The following GP1BA variants were observed in gnomAD, a reference collection of about 807,000 sequenced individuals.
The protein encoded by GP1BA is platelet glycoprotein Ib alpha chain.
GP1BA carries 3 observed loss-of-function variants against 5.6 expected under a neutral mutation model. The observed-to-expected ratio is 0.53, with a 90% CI of 0.24 to 1.38. The LOEUF is 1.38. Among genes scored for constraint, GP1BA ranks in the 40% most tolerant of loss-of-function variants. The pLI is 0.16. For synonymous variants in GP1BA, 323 were observed against 358.3 expected (o/e 0.90, Z 1.11); for missense variants, 707 against 801.4 (o/e 0.88, Z 1.42).
Position 4,932,406 on chromosome 17 carries a change from G to T in GP1BA, c.-7+41G>T. On this transcript the variant is annotated intron_variant, in intron 1 of 1. Transcript: ENST00000329125. The surrounding 1 kb of genome is among the most constrained non-coding windows in gnomAD (Gnocchi z 4.8). ...TGCTGGGGCAGGAGAGGGGTCTGAG[G>T]GAGGGGAAAGAGCCAAGGACCTGGA... 7.2e-7 allele frequency: 1 copy of T among 1,395,528 alleles called. No homozygotes were observed. The highest frequency in any genetic ancestry group is 2.6e-4 in the Middle Eastern group (1 of 3,780). The allele number at this position is 1,395,528 out of a possible 1,614,324, so 86.4% of individuals were successfully genotyped here.
In GP1BA at chr17:4,933,349, G is replaced by T; in HGVS notation, c.745G>T (p.Gly249Cys). The T allele has an allele frequency of 6.2e-7, 1 of 1,613,994 alleles. No individual in the cohort carries two copies. The highest frequency in any genetic ancestry group is 8.5e-7 in the Non-Finnish European group (1 of 1,179,888). ...NAENVYVWKQ[G>C]VDVKAMTSNV... is the part of the protein sequence containing the mutation. ...TGAAAATGTCTACGTATGGAAGCAAGGTGTGGACGTCAAGGCCATGACCTC... is the reference window on the plus strand; with the variant it reads ...TGAAAATGTCTACGTATGGAAGCAATGTGTGGACGTCAAGGCCATGACCTC... The change falls in exon 2 of 2, where the codon GGT (glycine) becomes TGT (cysteine). Residue 249 changes from glycine to cysteine, a missense_variant. Physicochemically the swap from Gly to Cys is radical, Grantham distance 159. This residue lies in a region of GP1BA where 442 missense variants were observed against 498.8 expected (regional missense o/e 0.89). Coordinates refer to ENST00000329125, the MANE Select transcript of GP1BA (RefSeq NM_000173.7).
rs1970355286 is a variant in GP1BA, at chr17:4,932,454, G to A, written c.-7+89G>A. ...GGAGCTAGTAGTTTTAAGTTCTGCAGGCAAGGGTGGGAGATGGGAGTAGGG... is the reference window on the plus strand; with the variant it reads ...GGAGCTAGTAGTTTTAAGTTCTGCAAGCAAGGGTGGGAGATGGGAGTAGGG... On this transcript the variant is annotated intron_variant, in intron 1 of 1. Transcript: ENST00000329125. This position sits in a 1 kb window ranked among gnomAD's most constrained non-coding sequence, Gnocchi z 4.8. 1 of 1,316,318 alleles carries A rather than the reference G, an allele frequency of 7.6e-7. No homozygotes were observed. Among genetic ancestry groups the A allele is most frequent in the African/African-American group, 1.5e-5 (1 of 67,232 alleles). 81.5% of individuals were successfully genotyped at this position (1,316,318 alleles called of 1,614,324 possible).
Position 4,934,368 on chromosome 17 carries a change from G to A in GP1BA, c.1764G>A (p.Val588=). ...TGGAGCTGCAGAGGGGACGGCAAGT[G>A]ACAGTGCCCCGGGCCTGGCTGCTCT... ...THLELQRGRQ[V]TVPRAWLLFL... Residue 588 remains valine, a synonymous_variant, in exon 2 of 2, where the codon GTG becomes GTA. Coordinates refer to ENST00000329125, the MANE Select transcript of GP1BA (RefSeq NM_000173.7). 6.2e-7 allele frequency: 1 copy of A among 1,614,032 alleles called. No homozygotes were observed. Among genetic ancestry groups the A allele is most frequent in the Non-Finnish European group, 8.5e-7 (1 of 1,179,906 alleles).
At position 4,933,834 on chromosome 17, in the gene GP1BA, C is replaced by A. The variant is rs1970379398; in HGVS notation, c.1230C>A (p.Thr410=). Residue 410 remains threonine (T), a synonymous_variant, in exon 2 of 2, where the codon ACC becomes ACA. Coordinates refer to ENST00000329125, the MANE Select transcript of GP1BA (RefSeq NM_000173.7). ...TTLEPTPSPT[T]PEPTSEPAPS... Reference sequence around the variant, plus strand: ...TGGAGCCCACTCCAAGCCCGACCACCCCAGAGCCCACCTCAGAGCCCGCCC... The same window carrying A: ...TGGAGCCCACTCCAAGCCCGACCACACCAGAGCCCACCTCAGAGCCCGCCC... The A allele has an allele frequency of 2.0e-6, 3 of 1,480,190 alleles. No individual in the cohort carries two copies. In the Admixed American group the frequency reaches 5.6e-5, roughly 27 times the overall value. The allele number at this position is 1,480,190 out of a possible 1,614,324, so 91.7% of individuals were successfully genotyped here. A position where few individuals can be genotyped will look rare whatever the true frequency, so the allele number is the denominator to read the frequency against.
rs760759446 is a variant in GP1BA at position 4,932,741 on chromosome 17, C to A, written c.137C>A (p.Pro46Gln). ...CTGACAGCGCTGCCTCCAGACCTGCCGAAAGACACAACCATCCTCCACCTG... is the reference window on the plus strand; with the variant it reads ...CTGACAGCGCTGCCTCCAGACCTGCAGAAAGACACAACCATCCTCCACCTG... The part of the protein sequence containing the change: ...RNLTALPPDL[P>Q]KDTTILHLSE... The change falls in exon 2 of 2, where the codon CCG becomes CAG. Residue 46 changes from proline (P) to glutamine (Q), a missense_variant. Pro to Gln is a moderately conservative substitution (Grantham distance 76). Coordinates refer to ENST00000329125, the MANE Select transcript of GP1BA (RefSeq NM_000173.7). The surrounding 1 kb of genome is among the most constrained non-coding windows in gnomAD (Gnocchi z 4.8). 1 of 1,613,968 alleles carries A rather than the reference C, an allele frequency of 6.2e-7. No homozygotes were observed. The highest frequency in any genetic ancestry group is 1.1e-5 in the South Asian group (1 of 91,078).
rs777314083 is a variant in GP1BA, at chr17:4,934,214, G to A, written c.1610G>A (p.Gly537Asp). 1 of 1,613,672 alleles carries A rather than the reference G, an allele frequency of 6.2e-7. No homozygotes were observed. The highest frequency in any genetic ancestry group is 8.5e-7 in the Non-Finnish European group (1 of 1,179,724). Residue 537 changes from glycine to aspartate, a missense_variant, in exon 2 of 2, where the codon GGT (glycine) becomes GAT (aspartate). Physicochemically the swap from Gly to Asp is moderately conservative, Grantham distance 94. Coordinates refer to ENST00000329125, the MANE Select transcript of GP1BA (RefSeq NM_000173.7). ...CLLPLGFYVL[G>D]LFWLLFASVV... ...CTCCCCCTGGGCTTCTATGTCTTGG[G>A]TCTCTTCTGGCTGCTCTTTGCCTCT...
rs772674767 is a variant in GP1BA at position 4,933,198 on chromosome 17, C to T, written c.594C>T (p.Asn198=). 6.2e-7 allele frequency: 1 copy of T among 1,613,934 alleles called. No individual in the cohort carries two copies. Among genetic ancestry groups the T allele is most frequent in the African/African-American group, 1.3e-5 (1 of 74,932 alleles). The change falls in exon 2 of 2, where the codon AAC becomes AAT. Residue 198 remains asparagine, a synonymous_variant. Coordinates refer to ENST00000329125, the MANE Select transcript of GP1BA (RefSeq NM_000173.7). ...TCGACACCCTTCTCCTCCAAGAGAA[C>T]TCGCTGTATACAATACCAAAGGGCT... ...ENLDTLLLQE[N]SLYTIPKGFF...
chr17:4,934,458 TGTGG>T lies in GP1BA; in HGVS notation c.1856_1859del (p.Val619GlyfsTer3). 1 of 1,614,028 alleles carries T rather than the reference TGTGG, an allele frequency of 6.2e-7. No homozygotes were observed. On this transcript the variant is annotated frameshift_variant, in exon 2 of 2. Transcript: ENST00000329125. LOFTEE classifies it high-confidence loss of function. ...TCCTGTGGGTACGGCCTAATGGCCG[TGTGG>T]GGCCTCTAGTGGCAGGAAGGAGGCC...
Position 4,934,671 on chromosome 17 carries a change from G to C in GP1BA, c.*108G>C, listed in dbSNP as rs888666206. 1.1e-5 allele frequency: 13 copies of C among 1,151,578 alleles called. No homozygotes were observed. The highest frequency in any genetic ancestry group is 1.3e-6 in the Non-Finnish European group (1 of 791,694). The allele number at this position is 1,151,578 out of a possible 1,614,324, so 71.3% of individuals were successfully genotyped here. A position where few individuals can be genotyped will look rare whatever the true frequency, so the allele number is the denominator to read the frequency against. On this transcript the variant is annotated 3_prime_UTR_variant, in exon 2 of 2. Coordinates refer to ENST00000329125, the MANE Select transcript of GP1BA (RefSeq NM_000173.7). ...CACAGGGTGATAGGGAGGGGTCTTA[G>C]TTCCTTTTTCTGTATCAGAAGCCCT... is the stretch of plus-strand genomic sequence containing the variant.
In GP1BA at chr17:4,934,176, C is replaced by T; in HGVS notation, c.1572C>T (p.Asp524=). Residue 524 remains aspartate, a synonymous_variant, in exon 2 of 2, where the codon GAC becomes GAT. Transcript: ENST00000329125. ...GAAATGACCCTTTTCTCCACCCCGA[C>T]TTTTGCTGCCTCCTCCCCCTGGGCT... ...SSRNDPFLHP[D]FCCLLPLGFY... is the part of the protein sequence containing the mutation. 1 of 1,613,910 alleles carries T rather than the reference C, an allele frequency of 6.2e-7. No individual in the cohort carries two copies. The highest frequency in any genetic ancestry group is 8.5e-7 in the Non-Finnish European group (1 of 1,179,846).
In GP1BA at chr17:4,933,401, A is replaced by G. The variant is rs766582113; in HGVS notation, c.797A>G (p.Asn266Ser). Residue 266 changes from asparagine to serine, a missense_variant, in exon 2 of 2, where the codon AAT becomes AGT. Coordinates refer to ENST00000329125, the MANE Select transcript of GP1BA (RefSeq NM_000173.7). Reference sequence around the variant, plus strand: ...AACGTGGCCAGTGTGCAGTGTGACAATTCAGACAAGTTTCCCGTCTACAAA... The same window carrying G: ...AACGTGGCCAGTGTGCAGTGTGACAGTTCAGACAAGTTTCCCGTCTACAAA... ...TSNVASVQCD[N>S]SDKFPVYKYP... is the part of the protein sequence containing the mutation. The G allele has an allele frequency of 1.2e-6, 2 of 1,613,932 alleles. No homozygotes were observed. Among genetic ancestry groups the G allele is most frequent in the Non-Finnish European group, 1.7e-6 (2 of 1,179,842 alleles).
In GP1BA at chr17:4,932,410, G is replaced by A; in HGVS notation, c.-7+45G>A. On this transcript the variant is annotated intron_variant, in intron 1 of 1. Coordinates refer to ENST00000329125, the MANE Select transcript of GP1BA (RefSeq NM_000173.7). The surrounding 1 kb of genome is among the most constrained non-coding windows in gnomAD (Gnocchi z 4.8). ...GGGGCAGGAGAGGGGTCTGAGGGAG[G>A]GGAAAGAGCCAAGGACCTGGAGCTA... The A allele has an allele frequency of 7.2e-7, 1 of 1,389,688 alleles. No homozygotes were observed. The highest frequency in any genetic ancestry group is 9.4e-7 in the Non-Finnish European group (1 of 1,062,644). 86.1% of individuals were successfully genotyped at this position (1,389,688 alleles called of 1,614,324 possible).
rs1284394939 is a variant in GP1BA, at chr17:4,933,330, T to C, written c.726T>C (p.Asn242=). The C allele has an allele frequency of 6.2e-7, 1 of 1,613,958 alleles. No homozygotes were observed. Among genetic ancestry groups the C allele is most frequent in the Non-Finnish European group, 8.5e-7 (1 of 1,179,898 alleles). The change falls in exon 2 of 2, where the codon AAT becomes AAC. Residue 242 remains asparagine (N), a synonymous_variant. Transcript: ENST00000329125. ...GCTGGCTGCAGGACAATGCTGAAAATGTCTACGTATGGAAGCAAGGTGTGG... is the reference window on the plus strand; with the variant it reads ...GCTGGCTGCAGGACAATGCTGAAAACGTCTACGTATGGAAGCAAGGTGTGG... The part of the protein sequence containing the change: ...FRRWLQDNAE[N]VYVWKQGVDV...
At position 4,934,035 on chromosome 17, in the gene GP1BA, AT is replaced by A. The variant is rs1172767977; in HGVS notation, c.1436del (p.Leu479Ter). On this transcript the variant is annotated frameshift_variant, in exon 2 of 2. Transcript: ENST00000329125. LOFTEE classifies it low-confidence loss of function (END_TRUNC). ...ATSLITPKSTFLTTTKPVSLL... is the reference protein window; with the variant it reads ...ATSLITPKSTXLTTTKPVSLL... ...CAAGCCTGATCACTCCAAAAAGCAC[AT>A]TTTTAACTACCACAAAACCCGTATC... is the stretch of plus-strand genomic sequence containing the variant. The A allele has an allele frequency of 4.3e-6, 7 of 1,613,184 alleles. No individual in the cohort carries two copies. Among genetic ancestry groups the A allele is most frequent in the Non-Finnish European group, 5.9e-6 (7 of 1,179,834 alleles).
rs1251253400 is a variant in GP1BA at position 4,933,716 on chromosome 17, C to T, written c.1112C>T (p.Thr371Ile). The T allele has an allele frequency of 1.2e-5, 19 of 1,613,980 alleles. No homozygotes were observed. Among genetic ancestry groups the T allele is most frequent in the Non-Finnish European group, 1.5e-5 (18 of 1,179,884 alleles). Residue 371 changes from threonine to isoleucine, a missense_variant, in exon 2 of 2, where the codon ACA becomes ATA. By Grantham distance (89) the Thr-to-Ile change is moderately conservative (BLOSUM62 -1). This residue lies in a region of GP1BA where 442 missense variants were observed against 498.8 expected (regional missense o/e 0.89). Coordinates refer to ENST00000329125, the MANE Select transcript of GP1BA (RefSeq NM_000173.7). ...TTCACACTTCACATGGAATCCATCA[C>T]ATTCTCCAAAACTCCAAAATCCACT... ...PNFTLHMESI[T>I]FSKTPKSTTE... is the part of the protein sequence containing the mutation.
rs747235905 is a variant in GP1BA, at chr17:4,933,828, G to A, written c.1224G>A (p.Pro408=). 11 of 1,477,286 alleles carry A rather than the reference G, an allele frequency of 7.4e-6. No homozygotes were observed. The highest frequency in any genetic ancestry group is 1.6e-5 in the African/African-American group (1 of 64,470). The allele number at this position is 1,477,286 out of a possible 1,614,324, so 91.5% of individuals were successfully genotyped here. ...CCACCCTGGAGCCCACTCCAAGCCCGACCACCCCAGAGCCCACCTCAGAGC... is the reference window on the plus strand; with the variant it reads ...CCACCCTGGAGCCCACTCCAAGCCCAACCACCCCAGAGCCCACCTCAGAGC... ...NMTTLEPTPS[P]TTPEPTSEPA... is the part of the protein sequence containing the mutation. The change falls in exon 2 of 2, where the codon CCG becomes CCA. Residue 408 remains proline, a synonymous_variant. Coordinates refer to ENST00000329125, the MANE Select transcript of GP1BA (RefSeq NM_000173.7).
At position 4,932,947 on chromosome 17, in the gene GP1BA, C is replaced by G; in HGVS notation, c.343C>G (p.Leu115Val). The G allele has an allele frequency of 6.2e-7, 1 of 1,614,028 alleles. No individual in the cohort carries two copies. Among genetic ancestry groups the G allele is most frequent in the South Asian group, 1.1e-5 (1 of 91,088 alleles). The change falls in exon 2 of 2, where the codon CTG (leucine) becomes GTG (valine). Residue 115 changes from leucine to valine, a missense_variant. Leu to Val is a conservative substitution (Grantham distance 32). Transcript: ENST00000329125. This position sits in a 1 kb window ranked among gnomAD's most constrained non-coding sequence, Gnocchi z 4.8. ...AAGCCTGCCCTTGCTAGGGCAGACA[C>G]TGCCTGCTCTCACCGTCCTGGACGT... ...LQSLPLLGQTLPALTVLDVSF... is the reference protein window; with the variant it reads ...LQSLPLLGQTVPALTVLDVSF...
In GP1BA at chr17:4,934,469, T is replaced by TA; in HGVS notation, c.1866dup (p.Val623SerfsTer24). The TA allele has an allele frequency of 6.2e-7, 1 of 1,614,058 alleles. No individual in the cohort carries two copies. Among genetic ancestry groups the TA allele is most frequent in the Middle Eastern group, 1.6e-4 (1 of 6,062 alleles). On this transcript the variant is annotated frameshift_variant, in exon 2 of 2. Coordinates refer to ENST00000329125, the MANE Select transcript of GP1BA (RefSeq NM_000173.7). LOFTEE classifies it high-confidence loss of function. ...CGGCCTAATGGCCGTGTGGGGCCTC[T>TA]AGTGGCAGGAAGGAGGCCCTCAGCT...
rs1441959452 is a variant in GP1BA at position 4,934,587 on chromosome 17, A to G, written c.*24A>G. ...GAGGGTGGGAGGTTTGGGGACCTTG[A>G]GAGAAGAGCCTGTGGGCTCTCCTAT... On this transcript the variant is annotated 3_prime_UTR_variant, in exon 2 of 2. Transcript: ENST00000329125. 8 of 1,610,856 alleles carry G rather than the reference A, an allele frequency of 5.0e-6. No individual in the cohort carries two copies. Among genetic ancestry groups the G allele is most frequent in the Admixed American group, 1.7e-5 (1 of 59,358 alleles).
Sources: allele counts gnomAD v4.1 joint callset, GRCh38; gene constraint gnomAD v4.1.1; regional missense constraint gnomAD v4.1.1; non-coding constraint Gnocchi (gnomAD v3.1); transcripts MANE v1.5; gene names NCBI Gene and HGNC (gene_info 2026-07-23, HGNC 2026-07-21).